RB1: variants seen among roughly 807,000 people sequenced by gnomAD.
RB1 encodes RB transcriptional corepressor 1, also known as retinoblastoma-associated protein.
In RB1, 18 loss-of-function variants were observed where a neutral mutation model predicts 135.4. The ratio of observed to expected loss-of-function variants is 0.13; its 90% CI spans 0.09 to 0.20. The LOEUF (loss-of-function observed/expected upper bound fraction) is 0.20, where lower values mean the gene tolerates loss of function less well. RB1 is among the 10% of genes least tolerant of loss of function. RB1 has a pLI of 1.00. For missense variants in RB1, 868 were observed against 1,110.0 expected, an observed-to-expected ratio of 0.78 and a Z score of 3.10; for synonymous variants, 365 against 373.2, an observed-to-expected ratio of 0.98 and a Z score of 0.25.
intron 17 of RB1, among the ~76,000 whole-genome samples, chr13:48,448,364 C>T (rs1949303703): frequency 6.6e-6 from 1 of 151,948 alleles, no homozygotes; most frequent in Admixed American, 6.5e-5. Context: ...CTTTTTTCTC[C>T]CCGCCATAAA....
chr13:48,439,093 G>T (rs769452039), intron 17 of RB1, among the ~76,000 whole-genome samples: 1 of 152,120 alleles, frequency 6.6e-6, no homozygotes, highest in Non-Finnish European at 1.5e-5. Context: ...GCAAAGGAAC[G>T]TGACTCCCAT....
intron 20 of RB1, among the ~76,000 whole-genome samples, chr13:48,460,260 G>A (rs554645589): frequency 1.3e-4 from 20 of 152,010 alleles, no homozygotes; most frequent in African/African-American, 4.3e-4. Context: ...ATGAGCCACC[G>A]CACCCAGCCT....
chr13:48,360,956 T>C (rs2138109203), intron 7 of RB1, among the ~76,000 whole-genome samples: 1 of 152,242 alleles, frequency 6.6e-6, no homozygotes, highest in Non-Finnish European at 1.5e-5. Flanking sequence ...TGAAGGCTCA[T>C]TAAACTTTGT....
intron 6 of RB1, among the ~76,000 whole-genome samples, chr13:48,357,517 T>C (rs1034917614): frequency 1.3e-5 from 2 of 152,076 alleles, no homozygotes; most frequent in African/African-American, 2.4e-5. Flanking sequence ...TAAACAAATA[T>C]ATTGAGAATA....
intron 17 of RB1, chr13:48,439,468 T>C: frequency 6.6e-6 from 1 of 152,162 alleles, no homozygotes; most frequent in Non-Finnish European, 1.5e-5. Context: ...GATAGAAAGA[T>C]TACGGTTGTT....
At chr13:48,309,286 A>G (rs1952112086) in intron 2 of RB1, among the ~76,000 whole-genome samples, 1 of 152,240 alleles carries the variant, frequency 6.6e-6, no homozygotes. Flanking sequence ...TCAACATAGT[A>G]GTATAAGAGT....
intron 2 of RB1, among the ~76,000 whole-genome samples, chr13:48,336,529 A>T (rs61975696): frequency 2.0e-5 from 3 of 151,890 alleles, no homozygotes; most frequent in Non-Finnish European, 2.9e-5. Context: ...ATCTGTGGTG[A>T]TATCCCCTTT....
intron 2 of RB1, chr13:48,320,193 G>C: frequency 1.1e-6 from 1 of 937,500 alleles, no homozygotes; most frequent in Non-Finnish European, 1.6e-6. Context: ...CAAGACCACA[G>C]GCAGGCAATG....
chr13:48,358,819 A>G (rs963467527), intron 6 of RB1, among the ~76,000 whole-genome samples: 9 of 152,164 alleles, frequency 5.9e-5, no homozygotes, highest in Non-Finnish European at 2.9e-5. Context: ...AATACCTAAT[A>G]AAATGAAAGC....
chr13:48,336,026 A>G (rs545335195), intron 2 of RB1, among the ~76,000 whole-genome samples: 1 of 152,234 alleles, frequency 6.6e-6, no homozygotes, highest in South Asian at 2.1e-4. Context: ...TAAAAAAGCT[A>G]CTGAAAAAAG....
At chr13:48,419,255 T>C (rs556740442) in intron 17 of RB1, among the ~76,000 whole-genome samples, 1 of 152,314 alleles carries the variant, frequency 6.6e-6, no homozygotes, top group East Asian at 1.9e-4. Flanking sequence ...CACAACTGCA[T>C]GGAAACTGAA....
chr13:48,380,466 T>TGAA (rs1948525686), intron 16 of RB1, among the ~76,000 whole-genome samples: 3 of 152,160 alleles, frequency 2.0e-5, no homozygotes, highest in Non-Finnish European at 2.9e-5. Flanking sequence ...GCTTCTCTTC[T>TGAA]GAGTATACTG....
At chr13:48,411,959 C>T (rs778245158) in intron 17 of RB1, 11 of 1,612,420 alleles carry the variant, frequency 6.8e-6, no homozygotes, top group Non-Finnish European at 8.5e-6. Context: ...AGTGGGTAGA[C>T]TGAACAAAAA....
intron 2 of RB1, chr13:48,318,746 G>C: frequency 3.0e-6 from 2 of 659,326 alleles, no homozygotes; most frequent in South Asian, 3.2e-5. Context: ...TTTTAGAGAG[G>C]GGGGCCTTGG....
At chr13:48,353,267 C>T (rs1225380608) in intron 6 of RB1, among the ~76,000 whole-genome samples, 3 of 151,968 alleles carry the variant, frequency 2.0e-5, no homozygotes, top group Non-Finnish European at 4.4e-5. Flanking sequence ...GGAGACATTA[C>T]AGCTGATACT....
chr13:48,412,342 A>G, intron 17 of RB1: 2 of 1,613,670 alleles, frequency 1.2e-6, no homozygotes, highest in South Asian at 1.1e-5. Context: ...CCAAGCACAA[A>G]CACCATGCTG....
Position 48,380,145 on chromosome 13 carries a change from T to C in RB1, c.1422-20T>C. 1.3e-6 allele frequency: 2 copies of C among 1,511,878 alleles called. No individual in the cohort carries two copies. Among genetic ancestry groups the C allele is most frequent in the Non-Finnish European group, 1.8e-6 (2 of 1,118,288 alleles). The allele number at this position is 1,511,878 out of a possible 1,614,324, so 93.7% of individuals were successfully genotyped here. A position where few individuals can be genotyped will look rare whatever the true frequency, so the allele number is the denominator to read the frequency against. Reference sequence around the variant, plus strand: ...TTTTATAGAAGTAAGTATTTTATAATCTTTTTTTTTTTCCTTTAGCAAACT... The same window carrying C: ...TTTTATAGAAGTAAGTATTTTATAACCTTTTTTTTTTTCCTTTAGCAAACT... On this transcript the variant is annotated intron_variant, in intron 15 of 26. Coordinates refer to ENST00000267163, the MANE Select transcript of RB1 (RefSeq NM_000321.3).
chr13:48,304,495 C>T (rs997621275), intron 1 of RB1, among the ~76,000 whole-genome samples: 1 of 152,164 alleles, frequency 6.6e-6, no homozygotes, highest in African/African-American at 2.4e-5. Flanking sequence ...GAAGTATTTT[C>T]TTCCGGGCGT....
rs1238475867 is a variant in RB1 at position 48,445,708 on chromosome 13, T to C, written c.1696-7285T>C. ...TGTTCTTTCATAGGATTTTTCTGAATTTGTCATCACATACTTATTTCCTTG... is the reference window on the plus strand; with the variant it reads ...TGTTCTTTCATAGGATTTTTCTGAACTTGTCATCACATACTTATTTCCTTG... On this transcript the variant is annotated intron_variant, in intron 17 of 26. Coordinates refer to ENST00000267163, the MANE Select transcript of RB1 (RefSeq NM_000321.3). 2.0e-5 allele frequency among the ~76,000 whole-genome samples: 3 copies of C among 152,168 alleles called. No homozygotes were observed. In the East Asian group the frequency reaches 5.8e-4, roughly 29 times the overall value.
Sources: gnomAD v4.1 joint callset for allele counts (sites outside exome capture counted in the v4.1 genomes callset) on GRCh38, gnomAD v4.1.1 for gene constraint, MANE v1.5 for transcripts, NCBI Gene and HGNC (gene_info 2026-07-23, HGNC 2026-07-21) for gene names.